The following CSF2RA variants were observed in gnomAD, a reference collection of about 807,000 sequenced individuals.
CSF2RA encodes granulocyte-macrophage colony-stimulating factor receptor subunit alpha.
CSF2RA carries 42 observed loss-of-function variants against 51.6 expected under a neutral mutation model. That is an observed-to-expected ratio of 0.81 (90% CI 0.64 to 1.05). The LOEUF (loss-of-function observed/expected upper bound fraction) is 1.05, where lower values mean the gene tolerates loss of function less well. Ranked by LOEUF, CSF2RA falls within the 50% of genes least tolerant of loss-of-function variation. CSF2RA has a pLI of 0.00. For synonymous variants in CSF2RA, 222 were observed against 193.0 expected (o/e 1.15, Z -1.24); for missense variants, 530 against 501.1 (o/e 1.06, Z -0.55).
chrX:1,286,346 A>G (rs2090653372), intron 4 of CSF2RA, among the ~76,000 whole-genome samples: 1 of 151,858 alleles, frequency 6.6e-6, no homozygotes, highest in Non-Finnish European at 1.5e-5. Flanking sequence ...AGGCAGGTGG[A>G]TCACCTGAGG....
rs776743863 is a variant in CSF2RA, at chrX:1,293,379, C to T, written c.647-949C>T. Among the ~76,000 whole-genome samples the T allele has an allele frequency of 3.9e-5, 6 of 152,010 alleles. 1 individual carries two copies. Among genetic ancestry groups the T allele is most frequent in the African/African-American group, 1.5e-4 (6 of 41,372 alleles). On this transcript the variant is annotated intron_variant, in intron 7 of 12. Coordinates refer to ENST00000381529, the MANE Select transcript of CSF2RA (RefSeq NM_172245.4). The stretch of plus-strand genomic sequence containing the variant: ...GACTACAGGCACCCGCCACCACGCC[C>T]GGCTAATTTTTTTGGATTTTTAGTA...
downstream of CSF2RA, among the ~76,000 whole-genome samples, chrX:1,314,953 G>GCCTGCCCAATCGCACTGCA (rs2084494735): frequency 1.4e-5 from 1 of 73,872 alleles, no homozygotes; most frequent in African/African-American, 6.0e-5. Flanking sequence ...ACCCCTCTGT[G>GCCTGCCCAATCGCACTGCA]CCTGCCCAAC....
chrX:1,303,938 A>G lies in CSF2RA; in HGVS notation c.962A>G (p.Asn321Ser), dbSNP rs2083275452. ...EAIEFGSDDG[N>S]LGSVYIYVLL... The stretch of plus-strand genomic sequence containing the variant: ...GTCTCTCCAGGTTCTGACGACGGGA[A>G]CCTCGGCTCTGTGTACATTTATGTG... The change falls in exon 11 of 13, where the codon AAC becomes AGC. Residue 321 changes from asparagine (N) to serine (S), a missense_variant. Physicochemically the swap from Asn to Ser is conservative, Grantham distance 46. Transcript: ENST00000381529. 6.2e-7 allele frequency: 1 copy of G among 1,613,344 alleles called. No homozygotes were observed. Among genetic ancestry groups the G allele is most frequent in the Non-Finnish European group, 8.5e-7 (1 of 1,179,732 alleles).
chrX:1,314,584 C>T (rs1354768083), downstream of CSF2RA, among the ~76,000 whole-genome samples: 2 of 41,630 alleles, frequency 4.8e-5, no homozygotes, highest in Admixed American at 2.4e-4. Context: ...CCTGCCCAAC[C>T]CCACTGCACC....
At chrX:1,308,741 G>C (rs1417023242) in intron 12 of CSF2RA, among the ~76,000 whole-genome samples, 3 of 152,052 alleles carry the variant, frequency 2.0e-5, no homozygotes, top group Non-Finnish European at 4.4e-5. Flanking sequence ...ACCCCCAGGG[G>C]TCCCCCACAT....
intron 7 of CSF2RA, 89 bp downstream of exon 7, chrX:1,290,598 C>T (rs2091308635): frequency 7.7e-7 from 1 of 1,300,002 alleles, no homozygotes; most frequent in African/African-American, 1.5e-5. Flanking sequence ...CGTGCGGTGT[C>T]TCACACCTGT....
downstream of CSF2RA, among the ~76,000 whole-genome samples, chrX:1,314,322 C>A (rs1343550420): frequency 1.4e-5 from 2 of 138,140 alleles, no homozygotes; most frequent in East Asian, 2.4e-4. Context: ...CCCAACCACA[C>A]TGCACCTGCC....
intron 12 of CSF2RA, among the ~76,000 whole-genome samples, chrX:1,307,193 T>G (rs2083661976): frequency 6.6e-6 from 1 of 152,200 alleles, no homozygotes; most frequent in Non-Finnish European, 1.5e-5. Context: ...GAGGCAGAAC[T>G]GTCCTGCATT....
chrX:1,284,204 T>C (rs1354127658), intron 3 of CSF2RA, among the ~76,000 whole-genome samples: 3 of 135,982 alleles, frequency 2.2e-5, no homozygotes, highest in Admixed American at 7.5e-5. Flanking sequence ...TCTTTTTTTT[T>C]TTTTTTTTTT....
the CSF2RA span, among the ~76,000 whole-genome samples, chrX:1,321,781 C>G: frequency 2.6e-5 from 4 of 152,118 alleles, no homozygotes; most frequent in African/African-American, 9.7e-5. Flanking sequence ...CCACATCAGG[C>G]AACTCAGATT....
downstream of CSF2RA, among the ~76,000 whole-genome samples, chrX:1,314,243 C>CCTCTGTGCCTGCCCAACCG (rs2084319152): frequency 3.1e-4 from 11 of 35,348 alleles, no homozygotes; most frequent in African/African-American, 1.1e-3. Flanking sequence ...CTGCCCAACC[C>CCTCTGTGCCTGCCCAACCG]CACTGCACCT....
At chrX:1,287,363 A>T (rs372595843) in intron 4 of CSF2RA, among the ~76,000 whole-genome samples, 5 of 145,062 alleles carry the variant, frequency 3.4e-5, no homozygotes, top group African/African-American at 1.3e-4. Context: ...CATGTTGGCC[A>T]GGCTGGTCTC....
rs776273359 is a variant in CSF2RA, at chrX:1,303,997, G to A, written c.1021G>A (p.Val341Ile). ...LIVGTLVCGI[V>I]LGFLFKRFLR... ...CGTGGGAACCCTTGTCTGTGGCATC[G>A]TCCTCGGCTTCCTCTTTAAAAGGTA... is the stretch of plus-strand genomic sequence containing the variant. Residue 341 changes from valine (V) to isoleucine (I), a missense_variant, in exon 11 of 13, where the codon GTC becomes ATC. Coordinates refer to ENST00000381529, the MANE Select transcript of CSF2RA (RefSeq NM_172245.4). The A allele has an allele frequency of 8.1e-6, 13 of 1,612,734 alleles. No homozygotes were observed. Among genetic ancestry groups the A allele is most frequent in the Middle Eastern group, 3.3e-4 (2 of 6,078 alleles).
chrX:1,293,878 A>G, intron 7 of CSF2RA: 1 of 372,186 alleles, frequency 2.7e-6, no homozygotes, highest in South Asian at 2.5e-5. Context: ...ACCCTGCCCC[A>G]CCTCCACCTG....
At chrX:1,314,290 C>T (rs1338913378), downstream of CSF2RA, among the ~76,000 whole-genome samples, 3 of 89,628 alleles carry the variant, frequency 3.3e-5, no homozygotes, top group African/African-American at 1.1e-4. Context: ...CCCACTGCAT[C>T]TGCCCAACCA....
chrX:1,303,796 G>C (rs1482751568), intron 10 of CSF2RA, 127 bp from the exon 11 acceptor site: 18 of 867,234 alleles, frequency 2.1e-5, no homozygotes, highest in Non-Finnish European at 3.4e-5. Flanking sequence ...AGGCAGGTTT[G>C]CTGGGCCCAG....
At chrX:1,324,201 A>G in the CSF2RA span, among the ~76,000 whole-genome samples, 1 of 149,448 alleles carries the variant, frequency 6.7e-6, no homozygotes, top group East Asian at 2.0e-4. Context: ...CAAAAACAAA[A>G]ACAAAACAGA....
chrX:1,297,545 G>A (rs867850496), intron 9 of CSF2RA, among the ~76,000 whole-genome samples: 11 of 23,320 alleles, frequency 4.7e-4, no homozygotes, highest in African/African-American at 5.2e-4. Flanking sequence ...GACCCCTGGC[G>A]GAACCCTACA....
intron 2 of CSF2RA, among the ~76,000 whole-genome samples, chrX:1,280,594 A>G (rs1318593485): frequency 1.3e-5 from 2 of 151,942 alleles, no homozygotes; most frequent in African/African-American, 4.8e-5. Context: ...CTGGTTGACA[A>G]TTGGTTGAGT....
Sources: gnomAD v4.1 joint callset for allele counts (sites outside exome capture counted in the v4.1 genomes callset) on GRCh38, gnomAD v4.1.1 for gene constraint, MANE v1.5 for transcripts, NCBI Gene and HGNC (gene_info 2026-07-23, HGNC 2026-07-21) for gene names.